CDH4: variants seen among roughly 807,000 people sequenced by gnomAD.
CDH4 encodes cadherin-4.
CDH4 carries 33 observed loss-of-function variants against 86.0 expected under a neutral mutation model. That is an observed-to-expected ratio of 0.38 (90% CI 0.29 to 0.51). The LOEUF is 0.51. CDH4 is among the 20% of genes least tolerant of loss of function. The pLI, the probability that CDH4 is intolerant of heterozygous loss-of-function variation, is 0.86. For missense variants in CDH4, 1,114 were observed against 1,307.4 expected (o/e 0.85, Z 2.28); for synonymous variants, 555 against 549.4 (o/e 1.01, Z -0.14).
chr20:61,655,687 G>T (rs2087179600), intron 2 of CDH4, among the ~76,000 whole-genome samples: 1 of 152,166 alleles, frequency 6.6e-6, no homozygotes, highest in Non-Finnish European at 1.5e-5. Context: ...AGCTCTGAAA[G>T]CAGCCTCCGT....
At chr20:61,792,334 A>T (rs937973199) in intron 4 of CDH4, among the ~76,000 whole-genome samples, 2 of 152,068 alleles carry the variant, frequency 1.3e-5, no homozygotes, top group Non-Finnish European at 2.9e-5. Flanking sequence ...TGCCATGGGG[A>T]TACTGTGCAC....
chr20:61,497,453 T>C (rs1351845257), intron 2 of CDH4, among the ~76,000 whole-genome samples: 2 of 152,094 alleles, frequency 1.3e-5, no homozygotes, highest in African/African-American at 4.8e-5. Context: ...TTGGGGTTTT[T>C]TGTTGTTGTT....
chr20:61,521,507 C>G (rs1462757765), intron 2 of CDH4, among the ~76,000 whole-genome samples: 1 of 152,198 alleles, frequency 6.6e-6, no homozygotes, highest in Non-Finnish European at 1.5e-5. Context: ...GGACGGCACA[C>G]CACAGGCTTC....
At chr20:61,513,156 G>T (rs1290383796) in intron 2 of CDH4, among the ~76,000 whole-genome samples, 2 of 152,136 alleles carry the variant, frequency 1.3e-5, no homozygotes, top group African/African-American at 2.4e-5. Flanking sequence ...AGCTGCCATT[G>T]GCCCCTTCCA....
rs368178881 is a variant in CDH4 at position 61,518,113 on chromosome 20, C to T, written c.170-225450C>T. 4.9e-3 allele frequency among the ~76,000 whole-genome samples: 744 copies of T among 152,268 alleles called. 3 individuals are homozygous for T. Among genetic ancestry groups the T allele is most frequent in the Middle Eastern group, 0.014 (4 of 294 alleles). The stretch of plus-strand genomic sequence containing the variant: ...CTAAAGAATTTGCAAGAAATCATGA[C>T]GCTACTGCAAGGGTTTAGTGCTCAT... On this transcript the variant is annotated intron_variant, in intron 2 of 15. Coordinates refer to ENST00000614565, the MANE Select transcript of CDH4 (RefSeq NM_001794.5). This position sits in a 1 kb window ranked among gnomAD's most constrained non-coding sequence, Gnocchi z 6.3.
At chr20:61,683,649 G>T (rs1354094401) in intron 2 of CDH4, among the ~76,000 whole-genome samples, 1 of 152,214 alleles carries the variant, frequency 6.6e-6, no homozygotes, top group Non-Finnish European at 1.5e-5. Flanking sequence ...TGCATACTTT[G>T]TTGATAGAAT....
At chr20:61,367,909 C>G (rs112341253) in intron 2 of CDH4, among the ~76,000 whole-genome samples, 25,240 of 134,516 alleles carry the variant, frequency 0.19, 2,856 homozygotes, top group East Asian at 0.39. Flanking sequence ...CTTGCTCTGT[C>G]GCCCAGGCTG....
intron 2 of CDH4, among the ~76,000 whole-genome samples, chr20:61,726,933 C>A (rs960769188): frequency 1.2e-4 from 18 of 152,186 alleles, no homozygotes; most frequent in African/African-American, 4.3e-4. Context: ...ACATTGCTGC[C>A]ATCATCACCA....
chr20:61,866,120 G>C (rs762149121), intron 6 of CDH4, among the ~76,000 whole-genome samples: 34 of 152,098 alleles, frequency 2.2e-4, no homozygotes, highest in Non-Finnish European at 3.7e-4. Context: ...ACCACCCCCT[G>C]GCATGGGGGA....
intron 2 of CDH4, among the ~76,000 whole-genome samples, chr20:61,702,444 AG>A (rs2087786976): frequency 6.6e-6 from 1 of 152,200 alleles, no homozygotes; most frequent in South Asian, 2.1e-4. Flanking sequence ...AAAGACGACA[AG>A]GGCCACCCTC....
At chr20:61,835,500 C>T (rs1206251812) in intron 4 of CDH4, among the ~76,000 whole-genome samples, 1 of 152,144 alleles carries the variant, frequency 6.6e-6, no homozygotes, top group Non-Finnish European at 1.5e-5. Flanking sequence ...ATGAGGTCGG[C>T]TTCTTTGCTA....
At chr20:61,356,225 A>G (rs2084749486) in intron 2 of CDH4, among the ~76,000 whole-genome samples, 1 of 152,232 alleles carries the variant, frequency 6.6e-6, no homozygotes, top group East Asian at 1.9e-4. Flanking sequence ...ATCTTGGAAG[A>G]GGGTTGAGTC....
At chr20:61,353,022 G>A (rs1015643446) in intron 2 of CDH4, among the ~76,000 whole-genome samples, 1 of 152,080 alleles carries the variant, frequency 6.6e-6, no homozygotes, top group African/African-American at 2.4e-5. Context: ...GACCCCACGG[G>A]CCCCATCTCC....
At position 61,377,930 on chromosome 20, in the gene CDH4, A is replaced by T. The variant is rs555982815; in HGVS notation, c.169+122993A>T. On this transcript the variant is annotated intron_variant, in intron 2 of 15. Coordinates refer to ENST00000614565, the MANE Select transcript of CDH4 (RefSeq NM_001794.5). This position sits in a 1 kb window ranked among gnomAD's most constrained non-coding sequence, Gnocchi z 4.0. The stretch of plus-strand genomic sequence containing the variant: ...CGTGATGTTGACTCACGTGATCTGG[A>T]TAAATGACTTAGGAAAAATGGTTCT... Among the ~76,000 whole-genome samples, 1 of 152,354 alleles carries T rather than the reference A, an allele frequency of 6.6e-6. No individual in the cohort carries two copies. Among genetic ancestry groups the T allele is most frequent in the Admixed American group, 6.5e-5 (1 of 15,306 alleles).
At chr20:61,565,307 T>TTGGTGATGG (rs764588345) in intron 2 of CDH4, among the ~76,000 whole-genome samples, 1 of 42,566 alleles carries the variant, frequency 2.3e-5, no homozygotes, top group African/African-American at 1.3e-4. Flanking sequence ...GGCGGTGCTC[T>TTGGTGATGG]TGGTGGTGGC....
intron 2 of CDH4, among the ~76,000 whole-genome samples, chr20:61,275,233 G>A (rs1209111167): frequency 7.0e-6 from 1 of 143,304 alleles, no homozygotes; most frequent in African/African-American, 2.6e-5. Context: ...AGTACCGTGT[G>A]CAGTTTGGGG....
intron 2 of CDH4, among the ~76,000 whole-genome samples, chr20:61,601,194 C>T (rs1439016850): frequency 6.6e-6 from 1 of 152,166 alleles, no homozygotes. Context: ...GGAGCAGGCA[C>T]CTCACATGGT....
At chr20:61,323,137 G>A (rs1474547522) in intron 2 of CDH4, among the ~76,000 whole-genome samples, 1 of 152,174 alleles carries the variant, frequency 6.6e-6, no homozygotes, top group Non-Finnish European at 1.5e-5. Flanking sequence ...ATAGCAAGGA[G>A]GCATGAGGAT....
intron 2 of CDH4, among the ~76,000 whole-genome samples, chr20:61,692,627 G>C (rs900822173): frequency 6.6e-6 from 1 of 152,184 alleles, no homozygotes; most frequent in South Asian, 2.1e-4. Context: ...ATCTGTGTCC[G>C]TGCGAGCAAA....
Sources: gnomAD v4.1 joint callset for allele counts (sites outside exome capture counted in the v4.1 genomes callset) on GRCh38, gnomAD v4.1.1 for gene constraint, Gnocchi (gnomAD v3.1) non-coding constraint, MANE v1.5 for transcripts, NCBI Gene and HGNC (gene_info 2026-07-23, HGNC 2026-07-21) for gene names.